The following WNK1 variants were observed in gnomAD, a reference collection of about 807,000 sequenced individuals.
WNK1 encodes WNK lysine deficient protein kinase 1.
WNK1 carries 38 observed loss-of-function variants against 222.8 expected under a neutral mutation model. The ratio of observed to expected loss-of-function variants is 0.17; its 90% CI spans 0.13 to 0.22. The LOEUF (loss-of-function observed/expected upper bound fraction) is 0.22. WNK1 is among the 10% of genes least tolerant of loss of function. The pLI, the probability that WNK1 is intolerant of heterozygous loss-of-function variation, is 1.00. For missense variants in WNK1, 2,348 were observed against 2,918.4 expected (o/e 0.80, Z 4.50); for synonymous variants, 1,090 against 1,092.9 (o/e 1.00, Z 0.05).
chr12:842,608 C>A (rs1949713095), intron 4 of WNK1, among the ~76,000 whole-genome samples: 1 of 152,010 alleles, frequency 6.6e-6, no homozygotes, highest in African/African-American at 2.4e-5. Flanking sequence ...TGGTGTAGTC[C>A]GTAAAATGTT....
intron 20 of WNK1, 132 bp from the exon 21 acceptor site, chr12:889,007 GT>G: frequency 2.6e-6 from 2 of 779,106 alleles, no homozygotes; most frequent in Non-Finnish European, 4.6e-6. Context: ...GTATAGTTTT[GT>G]ATGTTCCATA....
At position 822,373 on chromosome 12, in the gene WNK1, G is replaced by T. The variant is rs147575262; in HGVS notation, c.933-4669G>T. Among the ~76,000 whole-genome samples, 7 of 152,226 alleles carry T rather than the reference G, an allele frequency of 4.6e-5. No individual in the cohort carries two copies. In the East Asian group the frequency reaches 1.3e-3, roughly 29 times the overall value. On this transcript the variant is annotated intron_variant, in intron 2 of 27. Transcript: ENST00000315939. ...CTCCCAAAGTGCTGGGATTACAGGCGTAAGCCACCGCCCGCAGCCGTAATA... is the reference window on the plus strand; with the variant it reads ...CTCCCAAAGTGCTGGGATTACAGGCTTAAGCCACCGCCCGCAGCCGTAATA...
chr12:858,225 C>T (rs1415166857), intron 5 of WNK1, among the ~76,000 whole-genome samples: 3 of 149,992 alleles, frequency 2.0e-5, no homozygotes, highest in African/African-American at 7.4e-5. Flanking sequence ...AGTCTTGTCA[C>T]GTCGCCTAGG....
At chr12:887,334 G>C (rs767176142) in intron 20 of WNK1, 30 bp downstream of exon 20, 2 of 1,609,776 alleles carry the variant, frequency 1.2e-6, no homozygotes, top group Admixed American at 3.3e-5. Context: ...ATTTCTTCCT[G>C]TGCCCTACTT....
intron 2 of WNK1, 147 bp from the exon 3 acceptor site, chr12:826,895 A>G: frequency 3.1e-6 from 2 of 652,256 alleles, no homozygotes; most frequent in Non-Finnish European, 5.3e-6. Context: ...CTGCTTACTA[A>G]AAGTATTATT....
intron 1 of WNK1, among the ~76,000 whole-genome samples, chr12:804,476 G>A (rs146210108): frequency 1.4e-4 from 21 of 150,978 alleles, no homozygotes; most frequent in African/African-American, 4.6e-4. Flanking sequence ...AGGTTCAAGC[G>A]ATTCTCCTGC....
chr12:816,915 T>C (rs1475396608), intron 2 of WNK1, among the ~76,000 whole-genome samples: 1 of 152,052 alleles, frequency 6.6e-6, no homozygotes, highest in Non-Finnish European at 1.5e-5. Flanking sequence ...TCAGTAAAGA[T>C]ATTTGTAAGT....
intron 4 of WNK1, among the ~76,000 whole-genome samples, chr12:833,638 A>C (rs990616598): frequency 6.6e-5 from 10 of 152,158 alleles, no homozygotes; most frequent in African/African-American, 2.2e-4. Flanking sequence ...GATTCTTCTC[A>C]ATTGATATGA....
chr12:908,240 C>A, intron 27 of WNK1: 1 of 793,996 alleles, frequency 1.3e-6, no homozygotes, highest in South Asian at 1.7e-5. Flanking sequence ...ACTTTTTCTT[C>A]TTCGTTTTTC....
chr12:768,399 G>C (rs1463216906), intron 1 of WNK1, among the ~76,000 whole-genome samples: 4 of 152,080 alleles, frequency 2.6e-5, no homozygotes, highest in African/African-American at 9.7e-5. Flanking sequence ...GCCTCCCAAA[G>C]TGCTGGGATT....
intron 2 of WNK1, among the ~76,000 whole-genome samples, chr12:820,517 C>T (rs867374790): frequency 2.8e-5 from 4 of 143,706 alleles, no homozygotes. Flanking sequence ...ACTCTGTCAC[C>T]GAGGCTGGAG....
chr12:857,574 T>G (rs1254617386), intron 5 of WNK1, among the ~76,000 whole-genome samples: 1 of 152,244 alleles, frequency 6.6e-6, no homozygotes. Flanking sequence ...CAGGAAATCT[T>G]TTCTTAGTCC....
In WNK1 at chr12:886,429, TAGC is replaced by T. The variant is rs1432134159; in HGVS notation, c.5280+348_5280+350del. Among the ~76,000 whole-genome samples the T allele has an allele frequency of 2.0e-5, 3 of 152,348 alleles. No homozygotes were observed. In the East Asian group the frequency reaches 5.8e-4, roughly 29 times the overall value. On this transcript the variant is annotated intron_variant, in intron 19 of 27. Transcript: ENST00000315939. The stretch of plus-strand genomic sequence containing the variant: ...CTGTCAGCAAAATGTACGTAAATAA[TAGC>T]AGTTCATAGTCTTTGTTTCAGTGAG...
chr12:807,311 T>C (rs1232716585), intron 1 of WNK1, among the ~76,000 whole-genome samples: 11 of 130,992 alleles, frequency 8.4e-5, no homozygotes, highest in East Asian at 7.0e-4. Flanking sequence ...TTTTTTTTTT[T>C]CCGGAGATTA....
At chr12:865,537 G>T (rs72649851) in intron 8 of WNK1, among the ~76,000 whole-genome samples, 96 of 152,258 alleles carry the variant, frequency 6.3e-4, no homozygotes, top group Admixed American at 1.2e-3. Flanking sequence ...CTTTAAGGGG[G>T]AATAAAAAGC....
chr12:864,218 C>T (rs1475413229), intron 8 of WNK1, among the ~76,000 whole-genome samples: 1 of 151,284 alleles, frequency 6.6e-6, no homozygotes, highest in Non-Finnish European at 1.5e-5. Context: ...AGTGATTCTC[C>T]TGCCTCAGCC....
intron 1 of WNK1, among the ~76,000 whole-genome samples, chr12:775,056 GAATTTC>G (rs999218536): frequency 2.6e-5 from 4 of 151,878 alleles, no homozygotes; most frequent in African/African-American, 9.7e-5. Context: ...CTTGATAGGT[GAATTTC>G]TGGTTTTTTA....
At chr12:890,113 C>T (rs181463857) in intron 21 of WNK1, among the ~76,000 whole-genome samples, 43 of 151,648 alleles carry the variant, frequency 2.8e-4, no homozygotes, top group Non-Finnish European at 5.2e-4. Context: ...CCACCACACC[C>T]GGCTAATTTT....
chr12:790,906 C>T (rs987698390), intron 1 of WNK1, among the ~76,000 whole-genome samples: 14 of 151,914 alleles, frequency 9.2e-5, no homozygotes, highest in African/African-American at 3.1e-4. Context: ...ATGTAGAAGT[C>T]CAAAGAGGAT....
Sources: allele counts gnomAD v4.1 joint callset (sites outside exome capture counted in the v4.1 genomes callset), GRCh38; gene constraint gnomAD v4.1.1; transcripts MANE v1.5; gene names NCBI Gene and HGNC (gene_info 2026-07-23, HGNC 2026-07-21).